Variants in MAU2 observed in about 807,000 individuals in gnomAD.
MAU2 encodes MAU2 chromatid cohesion factor homolog.
Under a neutral mutation model 89.1 loss-of-function variants are expected in MAU2, and 9 were observed. The ratio of observed to expected loss-of-function variants is 0.10; its 90% confidence interval spans 0.06 to 0.18. The LOEUF is 0.18. MAU2 is among the 10% of genes least tolerant of loss of function. The pLI is 1.00. For synonymous variants in MAU2, 357 were observed against 343.4 expected, an observed-to-expected ratio of 1.04 and a Z score of -0.44; for missense variants, 425 against 803.5, an observed-to-expected ratio of 0.53 and a Z score of 5.69.
chr19:19,327,167 G>A (rs991429658), intron 1 of MAU2, among the ~76,000 whole-genome samples: 6 of 148,626 alleles, frequency 4.0e-5, no homozygotes, highest in Admixed American at 6.7e-5. Flanking sequence ...TGTTGCCCAG[G>A]CTGGAGTGCA....
At chr19:19,355,138 G>A (rs914697679) in intron 17 of MAU2, 126 bp from the exon 18 acceptor site, 22 of 1,252,390 alleles carry the variant, frequency 1.8e-5, no homozygotes, top group Non-Finnish European at 2.3e-5. Flanking sequence ...GTCCAGTGAC[G>A]TGCCAGGCAC....
intron 1 of MAU2, among the ~76,000 whole-genome samples, chr19:19,325,806 T>C (rs1359850031): frequency 6.6e-6 from 1 of 152,188 alleles, no homozygotes; most frequent in Non-Finnish European, 1.5e-5. Flanking sequence ...TGAACTAATT[T>C]TCTCTAACAT....
intron 10 of MAU2, chr19:19,344,159 C>T (rs915337109): frequency 4.7e-5 from 25 of 531,962 alleles, no homozygotes; most frequent in African/African-American, 4.6e-4. Flanking sequence ...CGCCTGTCAT[C>T]CCAGCAGTTT....
intron 10 of MAU2, 28 bp downstream of exon 10, chr19:19,343,968 A>C (rs1480621285): frequency 3.8e-6 from 6 of 1,579,440 alleles, no homozygotes; most frequent in Non-Finnish European, 5.2e-6. Context: ...AGGGGCGGGA[A>C]GGCCCAGGAG....
chr19:19,347,261 TC>T lies in MAU2; in HGVS notation c.1222-15del. ...CAGCACCCGACCCAGCCCCCTAATG[TC>T]CCCGCCTCCCATTCCAGCTCACCAA... On this transcript the variant is annotated intron_variant, in intron 12 of 18. Transcript: ENST00000262815. The T allele has an allele frequency of 6.3e-7, 1 of 1,593,478 alleles. No homozygotes were observed. Among genetic ancestry groups the T allele is most frequent in the South Asian group, 1.1e-5 (1 of 90,666 alleles).
intron 9 of MAU2, among the ~76,000 whole-genome samples, chr19:19,343,288 C>T (rs780824745): frequency 3.0e-4 from 45 of 152,176 alleles, no homozygotes; most frequent in Non-Finnish European, 6.0e-4. Flanking sequence ...TAGCACAAAC[C>T]CAGAGCAGAC....
intron 5 of MAU2, among the ~76,000 whole-genome samples, chr19:19,340,270 T>TG (rs1296465763): frequency 6.6e-6 from 1 of 150,612 alleles, no homozygotes; most frequent in Non-Finnish European, 1.5e-5. Flanking sequence ...GAAGCATAGG[T>TG]TGCAGTGAAT....
intron 13 of MAU2, chr19:19,348,420 C>A: frequency 4.3e-6 from 1 of 234,156 alleles, no homozygotes; most frequent in Non-Finnish European, 8.6e-6. Context: ...CGTGGGCTCG[C>A]AGTGTTGAGG....
chr19:19,322,782 G>C (rs1358324993), intron 1 of MAU2, among the ~76,000 whole-genome samples: 1 of 152,030 alleles, frequency 6.6e-6, no homozygotes, highest in Non-Finnish European at 1.5e-5. Context: ...ATTAATCTGA[G>C]GTAAATCCAA....
At chr19:19,344,985 C>T (rs577947201) in intron 11 of MAU2, 59 bp downstream of exon 11, 2 of 1,482,290 alleles carry the variant, frequency 1.3e-6, no homozygotes, top group East Asian at 2.3e-5. Context: ...TAAGTAAGTA[C>T]CTAACCAGAT....
rs747203027 is a variant in MAU2, at chr19:19,356,907, G to C, written c.*1125G>C. On this transcript the variant is annotated 3_prime_UTR_variant, in exon 19 of 19. Coordinates refer to ENST00000262815, the MANE Select transcript of MAU2 (RefSeq NM_015329.4). The stretch of plus-strand genomic sequence containing the variant: ...ACAGTGTGGCATTCCGAGTTGGGGC[G>C]GGTGGTCGGGTCAAGATAGCAGCAG... The C allele has an allele frequency of 1.3e-5, 2 of 152,228 alleles. No individual in the cohort carries two copies. Among genetic ancestry groups the C allele is most frequent in the East Asian group, 3.9e-4 (2 of 5,194 alleles). The allele number at this position is 152,228 out of a possible 1,614,324, so 9.4% of individuals were successfully genotyped here.
intron 4 of MAU2, among the ~76,000 whole-genome samples, chr19:19,337,491 C>A (rs576764416): frequency 3.3e-5 from 5 of 152,372 alleles, no homozygotes; most frequent in African/African-American, 1.2e-4. Flanking sequence ...CGGCAACACC[C>A]AGGGGTGAGT....
chr19:19,344,517 T>A, intron 10 of MAU2: 1 of 401,268 alleles, frequency 2.5e-6, no homozygotes, highest in East Asian at 4.3e-5. Flanking sequence ...TGACAGTGAT[T>A]GTTATACCCC....
rs1374533811 is a variant in MAU2, at chr19:19,356,032, G to T, written c.*250G>T. Reference sequence around the variant, plus strand: ...GCTGTCTCTCCAGAGCCATCCTTCAGAGTGGACCTCAGTGCCAGTCCTGCC... The same window carrying T: ...GCTGTCTCTCCAGAGCCATCCTTCATAGTGGACCTCAGTGCCAGTCCTGCC... On this transcript the variant is annotated 3_prime_UTR_variant, in exon 19 of 19. Coordinates refer to ENST00000262815, the MANE Select transcript of MAU2 (RefSeq NM_015329.4). 1.6e-6 allele frequency: 1 copy of T among 641,962 alleles called. No homozygotes were observed. Among genetic ancestry groups the T allele is most frequent in the Non-Finnish European group, 2.9e-6 (1 of 346,134 alleles). The allele number at this position is 641,962 out of a possible 1,614,324, so 39.8% of individuals were successfully genotyped here. A position where few individuals can be genotyped will look rare whatever the true frequency, so the allele number is the denominator to read the frequency against.
chr19:19,345,287 A>G lies in MAU2; in HGVS notation c.1156-17A>G. On this transcript the variant is annotated splice_polypyrimidine_tract_variant and intron_variant, in intron 11 of 18. Transcript: ENST00000262815. The surrounding 1 kb of genome is among the most constrained non-coding windows in gnomAD (Gnocchi z 4.9). The stretch of plus-strand genomic sequence containing the variant: ...TCCCCAGGGGCCGGCCCTGATGACA[A>G]CACCACCTTCTTCCAGGGCCTGTAC... The G allele has an allele frequency of 1.2e-6, 2 of 1,612,744 alleles. No homozygotes were observed. Among genetic ancestry groups the G allele is most frequent in the Non-Finnish European group, 1.7e-6 (2 of 1,179,110 alleles).
intron 1 of MAU2, among the ~76,000 whole-genome samples, chr19:19,332,268 C>G (rs1379718723): frequency 2.6e-5 from 4 of 151,742 alleles, no homozygotes; most frequent in Non-Finnish European, 5.9e-5. Context: ...TCAAGTGATC[C>G]TCCCACGTCA....
At chr19:19,343,062 G>C (rs941988965) in intron 9 of MAU2, among the ~76,000 whole-genome samples, 196 bp downstream of exon 9, 3 of 152,192 alleles carry the variant, frequency 2.0e-5, no homozygotes, top group Non-Finnish European at 4.4e-5. Context: ...CTGGGGTCGG[G>C]GGTACCTCCC....
chr19:19,337,322 C>A (rs1321595945), intron 4 of MAU2, 57 bp downstream of exon 4: 10 of 1,356,268 alleles, frequency 7.4e-6, no homozygotes, highest in Middle Eastern at 2.2e-4. Flanking sequence ...CCCTGGGGCA[C>A]ACCTGCCCCA....
chr19:19,339,171 C>T (rs764335796), intron 5 of MAU2, among the ~76,000 whole-genome samples: 12 of 152,140 alleles, frequency 7.9e-5, no homozygotes, highest in East Asian at 1.9e-4. Context: ...AAATTGGGTC[C>T]GGGCACAGTG....
Sources: gnomAD v4.1 joint callset for allele counts (sites outside exome capture counted in the v4.1 genomes callset) on GRCh38, gnomAD v4.1.1 for gene constraint, Gnocchi (gnomAD v3.1) non-coding constraint, MANE v1.5 for transcripts, NCBI Gene and HGNC (gene_info 2026-07-23, HGNC 2026-07-21) for gene names.